CCDC158: variants seen among roughly 807,000 people sequenced by gnomAD.
CCDC158 encodes coiled-coil domain-containing protein 158.
In CCDC158, 116 loss-of-function variants were observed where a neutral mutation model predicts 138.6. The ratio of observed to expected loss-of-function variants is 0.84; its 90% CI spans 0.72 to 0.98. CCDC158 has a LOEUF of 0.98. CCDC158 is among the 50% of genes least tolerant of loss of function. CCDC158 has a pLI of 0.00. For missense variants in CCDC158, 1,265 were observed against 1,306.1 expected (o/e 0.97, Z 0.48); for synonymous variants, 436 against 442.4 (o/e 0.99, Z 0.18).
At chr4:76,386,945 C>G (rs1434904446) in intron 4 of CCDC158, among the ~76,000 whole-genome samples, 2 of 152,178 alleles carry the variant, frequency 1.3e-5, no homozygotes, top group Non-Finnish European at 2.9e-5. Flanking sequence ...GCCTCACCAC[C>G]ACATGCTGAA....
At chr4:76,345,065 G>C in intron 18 of CCDC158, 1 of 1,330,114 alleles carries the variant, frequency 7.5e-7, no homozygotes, top group East Asian at 2.3e-5. Flanking sequence ...TGTGAAAGCT[G>C]ACAAAATGAC....
chr4:76,337,198 C>T (rs1721598773), intron 18 of CCDC158, among the ~76,000 whole-genome samples: 1 of 152,082 alleles, frequency 6.6e-6, no homozygotes, highest in Non-Finnish European at 1.5e-5. Flanking sequence ...CCATGTTGGC[C>T]AGGCTGGTGT....
intron 24 of CCDC158, among the ~76,000 whole-genome samples, chr4:76,317,282 G>T (rs1302779825): frequency 6.6e-6 from 1 of 152,042 alleles, no homozygotes; most frequent in Non-Finnish European, 1.5e-5. Flanking sequence ...TAAAGGGATG[G>T]AAAAAGATAT....
At position 76,351,820 on chromosome 4, in the gene CCDC158, T is replaced by C; in HGVS notation, c.2446-8A>G. ...TGCAAACTGCAAAGATGCCTACAAATGGAGCAATCATAAATGGTTTATCTT... is the reference window on the plus strand; with the variant it reads ...TGCAAACTGCAAAGATGCCTACAAACGGAGCAATCATAAATGGTTTATCTT... On this transcript the variant is annotated splice_polypyrimidine_tract_variant and splice_region_variant and intron_variant, in intron 16 of 24. Coordinates refer to ENST00000682701, the MANE Select transcript of CCDC158 (RefSeq NM_001394954.1). 1 of 1,566,546 alleles carries C rather than the reference T, an allele frequency of 6.4e-7. No individual in the cohort carries two copies. Among genetic ancestry groups the C allele is most frequent in the South Asian group, 1.1e-5 (1 of 89,930 alleles).
At chr4:76,369,379 C>T in intron 11 of CCDC158, 47 bp downstream of exon 11, 1 of 1,575,578 alleles carries the variant, frequency 6.3e-7, no homozygotes, top group South Asian at 1.1e-5. Context: ...TATTTATTTC[C>T]CCAGAGGAGA....
intron 21 of CCDC158, 84 bp downstream of exon 21, chr4:76,331,260 A>T: frequency 8.1e-7 from 1 of 1,233,790 alleles, no homozygotes; most frequent in Non-Finnish European, 1.2e-6. Flanking sequence ...TGCATGGCAC[A>T]TTACAGACAG....
At position 76,419,615 on chromosome 4, in the gene CCDC158, C is replaced by A. The variant is rs188697806; in HGVS notation, c.-117+1350G>T. Among the ~76,000 whole-genome samples the A allele has an allele frequency of 4.5e-4, 69 of 152,136 alleles. 2 individuals carry two copies. The highest frequency in any genetic ancestry group is 4.4e-3 in the Admixed American group (67 of 15,290). On this transcript the variant is annotated intron_variant, in intron 1 of 24. Coordinates refer to ENST00000682701, the MANE Select transcript of CCDC158 (RefSeq NM_001394954.1). ...TTTGGTGACTTGTGGCCACATCACT[C>A]CAATATCTGCCTCTGTGGTCACATT...
At chr4:76,377,016 G>A (rs1397905599) in intron 9 of CCDC158, among the ~76,000 whole-genome samples, 5 of 152,216 alleles carry the variant, frequency 3.3e-5, no homozygotes, top group African/African-American at 1.2e-4. Context: ...AAAGCTTGCA[G>A]TCATTCATCT....
intron 19 of CCDC158, among the ~76,000 whole-genome samples, chr4:76,332,995 C>T (rs1173244999): frequency 6.6e-6 from 1 of 152,068 alleles, no homozygotes; most frequent in Non-Finnish European, 1.5e-5. Context: ...AATAATACTG[C>T]CCTGGTTTGG....
At chr4:76,347,512 A>G (rs1380703379) in intron 18 of CCDC158, among the ~76,000 whole-genome samples, 1 of 152,148 alleles carries the variant, frequency 6.6e-6, no homozygotes, top group Non-Finnish European at 1.5e-5. Context: ...AACAATGGGA[A>G]CACATGGACA....
At chr4:76,414,502 A>G (rs1729539344) in intron 1 of CCDC158, 1 of 152,200 alleles carries the variant, frequency 6.6e-6, no homozygotes, top group African/African-American at 2.4e-5. Context: ...AGAAAATAAC[A>G]AAGAACAGTG....
intron 11 of CCDC158, among the ~76,000 whole-genome samples, chr4:76,368,894 T>C (rs957183853): frequency 2.6e-5 from 4 of 152,154 alleles, no homozygotes; most frequent in African/African-American, 9.7e-5. Flanking sequence ...ACAAGTGAGA[T>C]AAAGCTTGAC....
intron 17 of CCDC158, 87 bp downstream of exon 17, chr4:76,351,633 T>A: frequency 1.3e-6 from 1 of 752,270 alleles, no homozygotes; most frequent in Non-Finnish European, 2.3e-6. Context: ...TATACTTGAA[T>A]GTGTATCTAA....
intron 12 of CCDC158, among the ~76,000 whole-genome samples, chr4:76,363,132 G>C (rs1001121875): frequency 6.6e-6 from 1 of 152,184 alleles, no homozygotes; most frequent in Non-Finnish European, 1.5e-5. Flanking sequence ...CTGAACCCCT[G>C]CTTTCCTTCT....
intron 1 of CCDC158, among the ~76,000 whole-genome samples, chr4:76,414,012 G>A (rs1046580422): frequency 3.3e-5 from 5 of 152,022 alleles, no homozygotes; most frequent in Admixed American, 2.0e-4. Flanking sequence ...TGGCTCAAGT[G>A]ATCCTTCCAC....
At position 76,355,413 on chromosome 4, in the gene CCDC158, G is replaced by A. The variant is rs200653555; in HGVS notation, c.2197C>T (p.Gln733Ter). 1 of 1,613,104 alleles carries A rather than the reference G, an allele frequency of 6.2e-7. No individual in the cohort carries two copies. Among genetic ancestry groups the A allele is most frequent in the Non-Finnish European group, 8.5e-7 (1 of 1,179,656 alleles). The stretch of plus-strand genomic sequence containing the variant: ...CCTCTTTTGGCTGTGATTTGCTTTT[G>A]CATCCCCATTGCCACTTTCATAGCT... ...GHAMKVAMGM[Q>*]KQITAKRGQI... Residue 733 changes from glutamine to a stop codon, truncating the protein, a stop_gained, in exon 15 of 25, where the codon CAA becomes TAA. Coordinates refer to ENST00000682701, the MANE Select transcript of CCDC158 (RefSeq NM_001394954.1). LOFTEE classifies it high-confidence loss of function.
intron 4 of CCDC158, among the ~76,000 whole-genome samples, chr4:76,385,464 C>T (rs1173264247): frequency 6.6e-6 from 1 of 151,990 alleles, no homozygotes; most frequent in East Asian, 1.9e-4. Context: ...GAATAAGATG[C>T]TATGCCAAAT....
chr4:76,359,104 C>T (rs544850420), intron 13 of CCDC158, among the ~76,000 whole-genome samples: 11 of 152,088 alleles, frequency 7.2e-5, no homozygotes, highest in Non-Finnish European at 1.2e-4. Flanking sequence ...TCTTCTCTCT[C>T]TCTCTCTCTC....
intron 18 of CCDC158, chr4:76,345,077 A>G: frequency 7.5e-7 from 1 of 1,328,682 alleles, no homozygotes; most frequent in Non-Finnish European, 1.1e-6. Context: ...CAAAATGACC[A>G]GATCTCATAA....
Sources: allele counts gnomAD v4.1 joint callset (sites outside exome capture counted in the v4.1 genomes callset), GRCh38; gene constraint gnomAD v4.1.1; transcripts MANE v1.5; gene names NCBI Gene and HGNC (gene_info 2026-07-23, HGNC 2026-07-21).